The following LRRC1 variants were observed in gnomAD, a reference collection of about 807,000 sequenced individuals.
LRRC1 encodes leucine rich repeat containing 1.
In LRRC1, 28 loss-of-function variants were observed where a neutral mutation model predicts 69.9. The ratio of observed to expected loss-of-function variants is 0.40; its 90% CI spans 0.30 to 0.55. The LOEUF (loss-of-function observed/expected upper bound fraction) is 0.55. Among genes scored for constraint, LRRC1 ranks in the 20% least tolerant of loss-of-function variants. The probability of loss-of-function intolerance (pLI) is 0.47; values close to 1 mark genes in which losing one functional copy is unlikely to be tolerated. For missense variants in LRRC1, 498 were observed against 609.0 expected (o/e 0.82, Z 1.92); for synonymous variants, 236 against 240.2 (o/e 0.98, Z 0.16).
At position 53,922,784 on chromosome 6, in the gene LRRC1, T is replaced by C. The variant is rs760130990; in HGVS notation, c.1566T>C (p.Thr522=). 2 of 1,613,126 alleles carry C rather than the reference T, an allele frequency of 1.2e-6. No individual in the cohort carries two copies. Among genetic ancestry groups the C allele is most frequent in the South Asian group, 2.2e-5 (2 of 90,968 alleles). Residue 522 remains threonine, a synonymous_variant, in exon 14 of 14, where the codon ACT becomes ACC. Transcript: ENST00000370888. ...ATCATGCCATTGACCGAGTGACCAC[T>C]TCTGTGTAGAGTTTCACCTCCAAGT... ...EVNHAIDRVT[T]SV
chr6:53,815,029 A>G (rs908641205), intron 1 of LRRC1, among the ~76,000 whole-genome samples: 3 of 151,844 alleles, frequency 2.0e-5, no homozygotes, highest in Admixed American at 2.0e-4. Flanking sequence ...GGGGAGCACA[A>G]CAGTCGTTTG....
At position 53,835,596 on chromosome 6, in the gene LRRC1, T is replaced by A. The variant is rs573677967; in HGVS notation, c.160-6514T>A. On this transcript the variant is annotated intron_variant, in intron 1 of 13. Coordinates refer to ENST00000370888, the MANE Select transcript of LRRC1 (RefSeq NM_018214.5). ...TCAAATTCTGGATGTGGGATATGAT[T>A]GTTTGAATTATCTGCTTTAACCAAA... is the stretch of plus-strand genomic sequence containing the variant. Among the ~76,000 whole-genome samples the A allele has an allele frequency of 3.9e-5, 6 of 152,380 alleles. No individual in the cohort carries two copies. In the East Asian group the frequency reaches 1.2e-3, roughly 29 times the overall value.
At chr6:53,831,179 T>C (rs1374635522) in intron 1 of LRRC1, among the ~76,000 whole-genome samples, 2 of 151,988 alleles carry the variant, frequency 1.3e-5, no homozygotes, top group East Asian at 3.9e-4. Context: ...ATGGTTATAA[T>C]TGGATCATTG....
intron 1 of LRRC1, among the ~76,000 whole-genome samples, chr6:53,803,270 G>C (rs1764538121): frequency 6.6e-6 from 1 of 152,186 alleles, no homozygotes; most frequent in East Asian, 1.9e-4. Flanking sequence ...TTGCTGTGCC[G>C]TGGAATGAGA....
At chr6:53,852,479 C>A (rs2127419933) in intron 2 of LRRC1, among the ~76,000 whole-genome samples, 1 of 152,268 alleles carries the variant, frequency 6.6e-6, no homozygotes, top group African/African-American at 2.4e-5. Context: ...TCCTGCTTCA[C>A]CACATGTGTC....
intron 2 of LRRC1, among the ~76,000 whole-genome samples, chr6:53,868,654 T>G (rs1012321808): frequency 6.6e-6 from 1 of 152,178 alleles, no homozygotes; most frequent in African/African-American, 2.4e-5. Context: ...GATTGTAAGT[T>G]GGAGGTGTGA....
chr6:53,898,268 A>G lies in LRRC1; in HGVS notation c.642+909A>G, dbSNP rs536467188. Among the ~76,000 whole-genome samples, 6 of 152,330 alleles carry G rather than the reference A, an allele frequency of 3.9e-5. No homozygotes were observed. In the East Asian group the frequency reaches 1.2e-3, roughly 29 times the overall value. On this transcript the variant is annotated intron_variant, in intron 7 of 13. Coordinates refer to ENST00000370888, the MANE Select transcript of LRRC1 (RefSeq NM_018214.5). ...TTATGAGATCTTGGCTACAGTTGGG[A>G]AAAGGAGACAGATTAGCAACTCTTG...
chr6:53,826,115 G>C (rs1160986951), intron 1 of LRRC1, among the ~76,000 whole-genome samples: 1 of 150,898 alleles, frequency 6.6e-6, no homozygotes, highest in African/African-American at 2.4e-5. Flanking sequence ...CTTTTGCTAG[G>C]GCTGCCACCT....
At chr6:53,877,852 G>T (rs757671953) in intron 2 of LRRC1, among the ~76,000 whole-genome samples, 1 of 152,138 alleles carries the variant, frequency 6.6e-6, no homozygotes, top group East Asian at 1.9e-4. Flanking sequence ...TCCAGCCTCC[G>T]CCTGTGAACC....
intron 10 of LRRC1, among the ~76,000 whole-genome samples, chr6:53,910,411 A>G (rs1265547878): frequency 2.0e-5 from 3 of 152,196 alleles, no homozygotes; most frequent in South Asian, 2.1e-4. Flanking sequence ...GCCAAAATAT[A>G]TATGAATGAT....
At chr6:53,858,064 G>T (rs550935960) in intron 2 of LRRC1, among the ~76,000 whole-genome samples, 1 of 152,308 alleles carries the variant, frequency 6.6e-6, no homozygotes, top group East Asian at 1.9e-4. Context: ...GTAGGCAAAA[G>T]GTGGGAGTAG....
intron 1 of LRRC1, among the ~76,000 whole-genome samples, chr6:53,833,886 C>G (rs1168837300): frequency 1.3e-5 from 2 of 152,294 alleles, no homozygotes; most frequent in African/African-American, 4.8e-5. Context: ...TGAATATAAA[C>G]TATTTTGTCA....
chr6:53,826,858 C>T (rs549154280), intron 1 of LRRC1, among the ~76,000 whole-genome samples: 7 of 152,028 alleles, frequency 4.6e-5, no homozygotes, highest in South Asian at 2.1e-4. Flanking sequence ...CTTCCTCCCC[C>T]GATTAGTTTC....
chr6:53,834,433 G>A (rs1387042141), intron 1 of LRRC1, among the ~76,000 whole-genome samples: 1 of 152,076 alleles, frequency 6.6e-6, no homozygotes, highest in Non-Finnish European at 1.5e-5. Context: ...TTACCCTCCC[G>A]CCTCCACCTC....
chr6:53,870,566 A>T (rs920070984), intron 2 of LRRC1, among the ~76,000 whole-genome samples: 3 of 152,332 alleles, frequency 2.0e-5, no homozygotes, highest in East Asian at 1.9e-4. Flanking sequence ...TGATACATTT[A>T]TACAGTGCAT....
intron 2 of LRRC1, among the ~76,000 whole-genome samples, chr6:53,870,485 T>C (rs551575529): frequency 6.6e-6 from 1 of 152,334 alleles, no homozygotes; most frequent in Admixed American, 6.5e-5. Flanking sequence ...TGTAATTTAT[T>C]AGGAGGTATC....
chr6:53,808,897 A>G (rs1260420406), intron 1 of LRRC1, among the ~76,000 whole-genome samples: 1 of 152,220 alleles, frequency 6.6e-6, no homozygotes, highest in Non-Finnish European at 1.5e-5. Context: ...CTGCAATATC[A>G]TTTAAGGAAA....
intron 2 of LRRC1, among the ~76,000 whole-genome samples, chr6:53,872,410 G>T (rs1766917240): frequency 6.6e-6 from 1 of 152,050 alleles, no homozygotes; most frequent in Non-Finnish European, 1.5e-5. Context: ...TTATTTCTGG[G>T]TTCTCTATTC....
rs559738399 is a variant in LRRC1, at chr6:53,870,409, G to T, written c.278-8584G>T. On this transcript the variant is annotated intron_variant, in intron 2 of 13. Transcript: ENST00000370888. Reference sequence around the variant, plus strand: ...GCCACTGTAAAATTTATATTTTAATGTGTGGCTTCATCCTCTTCCTCAGTA... The same window carrying T: ...GCCACTGTAAAATTTATATTTTAATTTGTGGCTTCATCCTCTTCCTCAGTA... Among the ~76,000 whole-genome samples, 4 of 152,240 alleles carry T rather than the reference G, an allele frequency of 2.6e-5. No homozygotes were observed. The South Asian group carries it at 8.3e-4, about 32-fold the overall frequency.
Sources: allele counts gnomAD v4.1 joint callset (sites outside exome capture counted in the v4.1 genomes callset), GRCh38; gene constraint gnomAD v4.1.1; transcripts MANE v1.5; gene names NCBI Gene and HGNC (gene_info 2026-07-23, HGNC 2026-07-21).